The following XIRP2 variants were observed in gnomAD, a reference collection of about 807,000 sequenced individuals.
XIRP2 encodes the protein xin actin binding repeat containing 2.
A neutral mutation model predicts 277.0 loss-of-function variants in XIRP2; 236 were observed. The observed-to-expected ratio is 0.85, with a 90% CI of 0.77 to 0.95. XIRP2 has a LOEUF of 0.95. Ranked by LOEUF, XIRP2 falls within the 40% of genes least tolerant of loss-of-function variation. XIRP2 has a pLI of 0.00. For missense variants in XIRP2, 4,640 were observed against 4,157.5 expected (o/e 1.12, Z -3.19); for synonymous variants, 1,490 against 1,416.5 (o/e 1.05, Z -1.17).
intron 2 of XIRP2, among the ~76,000 whole-genome samples, chr2:167,009,626 T>G (rs2105467651): frequency 6.6e-6 from 1 of 152,204 alleles, no homozygotes; most frequent in Non-Finnish European, 1.5e-5. Context: ...TCTAGATCCC[T>G]GAGGAATCGC....
chr2:166,936,095 A>T lies in XIRP2; in HGVS notation c.408+32205A>T, dbSNP rs559731190. Among the ~76,000 whole-genome samples the T allele has an allele frequency of 2.0e-5, 3 of 152,232 alleles. No individual in the cohort carries two copies. The East Asian group carries it at 5.8e-4, about 29-fold the overall frequency. On this transcript the variant is annotated intron_variant, in intron 2 of 10. Transcript: ENST00000409195. Reference sequence around the variant, plus strand: ...CCTGTTGTTTCCTGACTTTTTAATGATTGCCATTCTAACTGGTGTGAGATG... The same window carrying T: ...CCTGTTGTTTCCTGACTTTTTAATGTTTGCCATTCTAACTGGTGTGAGATG...
chr2:166,983,110 T>C (rs1050198083), intron 2 of XIRP2, among the ~76,000 whole-genome samples: 2 of 152,200 alleles, frequency 1.3e-5, no homozygotes, highest in Admixed American at 1.3e-4. Context: ...TGGGGGAAGT[T>C]TGATTCAATA....
Position 166,914,160 on chromosome 2 carries a change from G to T in XIRP2, c.408+10270G>T, listed in dbSNP as rs143519281. On this transcript the variant is annotated intron_variant, in intron 2 of 10. Transcript: ENST00000409195. ...AGTCGGAGGAGTTATGATGAAAGAA[G>T]CAAAGGCTGACATGATGCAGGGCCA... Among the ~76,000 whole-genome samples the T allele has an allele frequency of 2.0e-5, 3 of 152,284 alleles. No homozygotes were observed. In the East Asian group the frequency reaches 5.8e-4, roughly 29 times the overall value.
At chr2:167,194,090 C>CT (rs1016539625) in intron 3 of XIRP2, among the ~76,000 whole-genome samples, 17 of 149,050 alleles carry the variant, frequency 1.1e-4, no homozygotes, top group South Asian at 6.4e-4. Context: ...TTTCTTTTTT[C>CT]TTTTTTTTTG....
At chr2:167,057,914 G>A (rs1445338728) in intron 2 of XIRP2, among the ~76,000 whole-genome samples, 3 of 152,018 alleles carry the variant, frequency 2.0e-5, no homozygotes, top group Non-Finnish European at 4.4e-5. Flanking sequence ...AAAAACATAA[G>A]TAAATCACAG....
intron 3 of XIRP2, among the ~76,000 whole-genome samples, chr2:167,154,852 G>T (rs185698036): frequency 0.053 from 8,084 of 151,976 alleles, 349 homozygotes; most frequent in African/African-American, 0.12. Flanking sequence ...CAGCTAGCAA[G>T]ACTAATAAAG....
At chr2:167,011,444 G>T (rs7580920) in intron 2 of XIRP2, among the ~76,000 whole-genome samples, 17 of 149,112 alleles carry the variant, frequency 1.1e-4, no homozygotes, top group African/African-American at 2.2e-4. Flanking sequence ...GGTGGATAAG[G>T]TTTTTGATGT....
rs1351141034 is a variant in XIRP2, at chr2:167,258,544, G to T, written c.*727G>T. 6.2e-7 allele frequency: 1 copy of T among 1,613,020 alleles called. No individual in the cohort carries two copies. Among genetic ancestry groups the T allele is most frequent in the Non-Finnish European group, 8.5e-7 (1 of 1,179,500 alleles). ...TTAATGACAACAATAATGTGATTGTGCAGAGTGCTGAAAAGGAGAAAAATG... is the reference window on the plus strand; with the variant it reads ...TTAATGACAACAATAATGTGATTGTTCAGAGTGCTGAAAAGGAGAAAAATG... On this transcript the variant is annotated 3_prime_UTR_variant, in exon 11 of 11. Transcript: ENST00000409195.
intron 2 of XIRP2, among the ~76,000 whole-genome samples, chr2:166,951,981 G>A (rs139668067): frequency 6.7e-4 from 102 of 152,112 alleles, no homozygotes; most frequent in African/African-American, 2.3e-3. Flanking sequence ...GCTTTGTGTA[G>A]GCCATTTAGC....
chr2:166,900,377 C>G (rs909304151), intron 1 of XIRP2, among the ~76,000 whole-genome samples: 3 of 151,702 alleles, frequency 2.0e-5, no homozygotes, highest in Non-Finnish European at 4.4e-5. Context: ...CACTTTTTCA[C>G]TTTTTTTTAA....
intron 5 of XIRP2, among the ~76,000 whole-genome samples, chr2:167,239,258 C>T (rs962039623): frequency 5.3e-5 from 8 of 152,160 alleles, no homozygotes; most frequent in African/African-American, 1.7e-4. Flanking sequence ...AACATTTTTG[C>T]TTGCTAAGTG....
intron 2 of XIRP2, among the ~76,000 whole-genome samples, chr2:167,125,925 C>T (rs1484788144): frequency 6.6e-6 from 1 of 152,104 alleles, no homozygotes; most frequent in Non-Finnish European, 1.5e-5. Context: ...GACTGAACAT[C>T]CATGATAGGA....
chr2:166,968,989 G>C (rs2105417251), intron 2 of XIRP2, among the ~76,000 whole-genome samples: 1 of 152,004 alleles, frequency 6.6e-6, no homozygotes, highest in Admixed American at 6.6e-5. Flanking sequence ...AAAAGCCTGA[G>C]GCCAATGTTT....
chr2:167,164,387 A>C (rs1022316954), intron 3 of XIRP2, among the ~76,000 whole-genome samples: 5 of 144,942 alleles, frequency 3.4e-5, no homozygotes, highest in African/African-American at 1.0e-4. Context: ...CGGAGCTTGC[A>C]GTCAGCCAAG....
chr2:167,207,934 A>G (rs1020477140), intron 3 of XIRP2, among the ~76,000 whole-genome samples: 1 of 151,886 alleles, frequency 6.6e-6, no homozygotes, highest in African/African-American at 2.4e-5. Context: ...GCTTTGTGGG[A>G]TGTATTTTAT....
Position 167,249,477 on chromosome 2 carries a change from G to A in XIRP2, c.8085G>A (p.Gln2695=), listed in dbSNP as rs777435387. Residue 2695 remains glutamine, a synonymous_variant, in exon 9 of 11, where the codon CAG becomes CAA. Coordinates refer to ENST00000409195, the MANE Select transcript of XIRP2 (RefSeq NM_152381.6). Reference sequence around the variant, plus strand: ...CACAACAGAAGAAGTATTTGGAGCAGTTGCACTTGCCCCAAAGCAAACCAA... The same window carrying A: ...CACAACAGAAGAAGTATTTGGAGCAATTGCACTTGCCCCAAAGCAAACCAA... The part of the protein sequence containing the change: ...QQTQQKKYLE[Q]LHLPQSKPIS... The A allele has an allele frequency of 1.2e-6, 2 of 1,613,688 alleles. No homozygotes were observed. The highest frequency in any genetic ancestry group is 1.7e-6 in the Non-Finnish European group (2 of 1,179,846).
chr2:167,250,451 A>T lies in XIRP2; in HGVS notation c.9059A>T (p.Glu3020Val), dbSNP rs752450609. Residue 3020 changes from glutamate (E) to valine (V), a missense_variant, in exon 9 of 11, where the codon GAA (glutamate) becomes GTA (valine). Coordinates refer to ENST00000409195, the MANE Select transcript of XIRP2 (RefSeq NM_152381.6). ...EEITHIKTQA[E>V]DMLVSYENII... Reference sequence around the variant, plus strand: ...ATAACACATATTAAAACTCAAGCGGAAGATATGCTTGTGTCCTATGAAAAT... The same window carrying T: ...ATAACACATATTAAAACTCAAGCGGTAGATATGCTTGTGTCCTATGAAAAT... 1 of 1,613,424 alleles carries T rather than the reference A, an allele frequency of 6.2e-7. No homozygotes were observed. The highest frequency in any genetic ancestry group is 8.5e-7 in the Non-Finnish European group (1 of 1,179,690).
intron 2 of XIRP2, among the ~76,000 whole-genome samples, chr2:166,954,372 C>A (rs1007000991): frequency 1.3e-5 from 2 of 151,718 alleles, no homozygotes; most frequent in African/African-American, 2.4e-5. Context: ...AGTGAGATAC[C>A]ATCTCACGCC....
intron 2 of XIRP2, among the ~76,000 whole-genome samples, chr2:167,104,753 G>C (rs1416089840): frequency 6.6e-6 from 1 of 151,974 alleles, no homozygotes; most frequent in Non-Finnish European, 1.5e-5. Context: ...AGGAGTGTTA[G>C]ACATGTATGA....
Sources: gnomAD v4.1 joint callset for allele counts (sites outside exome capture counted in the v4.1 genomes callset) on GRCh38, gnomAD v4.1.1 for gene constraint, MANE v1.5 for transcripts, NCBI Gene and HGNC (gene_info 2026-07-23, HGNC 2026-07-21) for gene names.